SMC6: variants seen among roughly 807,000 people sequenced by gnomAD.
SMC6 encodes structural maintenance of chromosomes 6.
SMC6 carries 79 observed loss-of-function variants against 142.2 expected under a neutral mutation model. That is an observed-to-expected ratio of 0.56 (90% CI 0.46 to 0.67). SMC6 has a LOEUF of 0.67. SMC6 is among the 30% of genes least tolerant of loss of function. SMC6 has a pLI of 0.00. For missense variants in SMC6, 1,072 were observed against 1,284.0 expected, an observed-to-expected ratio of 0.83 and a Z score of 2.52; for synonymous variants, 411 against 412.4, an observed-to-expected ratio of 1.00 and a Z score of 0.04.
In SMC6 at chr2:17,683,726, C is replaced by T; in HGVS notation, c.2716G>A (p.Asp906Asn). 1.2e-6 allele frequency: 2 copies of T among 1,611,576 alleles called. No homozygotes were observed. Among genetic ancestry groups the T allele is most frequent in the Non-Finnish European group, 1.7e-6 (2 of 1,178,076 alleles). Residue 906 changes from aspartate (D) to asparagine (N), a missense_variant, in exon 24 of 28, where the codon GAT becomes AAT. By Grantham distance (23) the Asp-to-Asn change is conservative. Coordinates refer to ENST00000448223, the MANE Select transcript of SMC6 (RefSeq NM_001142286.2). ...QEARETYLDL[D>N]SKVRTLKKFI... ...TTTTTTAAAGTCCTCACTTTACTAT[C>T]CAGATCAAGATAGGTCTCTCTTGCT...
At chr2:17,687,879 CAGAGT>C (rs1286239732) in intron 23 of SMC6, among the ~76,000 whole-genome samples, 1 of 152,050 alleles carries the variant, frequency 6.6e-6, no homozygotes, top group Non-Finnish European at 1.5e-5. Context: ...AACTTTAGAA[CAGAGT>C]AAATTTACTA....
At position 17,720,516 on chromosome 2, in the gene SMC6, T is replaced by C. The variant is rs916428834; in HGVS notation, c.945+424A>G. Among the ~76,000 whole-genome samples the C allele has an allele frequency of 2.0e-5, 3 of 152,240 alleles. No individual in the cohort carries two copies. In the South Asian group the frequency reaches 6.2e-4, roughly 32 times the overall value. On this transcript the variant is annotated intron_variant, in intron 11 of 27. Transcript: ENST00000448223. ...CAGTTCCCTTAGCAATCTCTGGGCA[T>C]TGTTTTCAGTTCTGAGTTCTCATAC... is the stretch of plus-strand genomic sequence containing the variant.
chr2:17,692,519 C>T (rs2124900761), intron 23 of SMC6, among the ~76,000 whole-genome samples: 1 of 152,300 alleles, frequency 6.6e-6, no homozygotes, highest in Middle Eastern at 3.4e-3. Context: ...AAAGCTGAAA[C>T]TGGATCCCTT....
At chr2:17,714,727 GA>G in intron 16 of SMC6, 133 bp downstream of exon 16, 1 of 893,120 alleles carries the variant, frequency 1.1e-6, no homozygotes, top group Non-Finnish European at 1.7e-6. Context: ...TACCTAGACA[GA>G]AATTAAAGTG....
intron 25 of SMC6, among the ~76,000 whole-genome samples, chr2:17,676,544 T>C (rs757472663): frequency 2.0e-5 from 3 of 152,166 alleles, no homozygotes; most frequent in Non-Finnish European, 4.4e-5. Context: ...TGCATTTCTA[T>C]ATGAATTTTA....
intron 23 of SMC6, among the ~76,000 whole-genome samples, chr2:17,689,448 T>C (rs1308033284): frequency 6.6e-6 from 1 of 152,198 alleles, no homozygotes; most frequent in Non-Finnish European, 1.5e-5. Flanking sequence ...AAGATAATAC[T>C]CTTATTCTTA....
intron 11 of SMC6, among the ~76,000 whole-genome samples, chr2:17,719,671 T>G (rs992054749): frequency 6.6e-6 from 1 of 152,140 alleles, no homozygotes; most frequent in Admixed American, 6.5e-5. Flanking sequence ...GAAAAATACT[T>G]GGTGAAAATT....
At chr2:17,718,273 ATTTT>A in intron 11 of SMC6, 50 bp from the exon 12 acceptor site, 1 of 1,328,716 alleles carries the variant, frequency 7.5e-7, no homozygotes, top group Admixed American at 2.5e-5. Context: ...AATAGAGAGA[ATTTT>A]AAAAAATAAT....
intron 6 of SMC6, among the ~76,000 whole-genome samples, chr2:17,731,492 T>C (rs1669911717): frequency 6.6e-6 from 1 of 152,200 alleles, no homozygotes; most frequent in Non-Finnish European, 1.5e-5. Context: ...AGTCTGTAGG[T>C]GAAAACAAAA....
Position 17,663,894 on chromosome 2 carries a change from T to C in SMC6, c.*1605A>G, listed in dbSNP as rs1397691468. ...TCTTTTTATTCTTTCATTCTAGTAA[T>C]ATTATCACTACTTAGAACATTAAAG... On this transcript the variant is annotated 3_prime_UTR_variant, in exon 28 of 28. Transcript: ENST00000448223. 1 of 152,218 alleles carries C rather than the reference T, an allele frequency of 6.6e-6. No homozygotes were observed. Among genetic ancestry groups the C allele is most frequent in the African/African-American group, 2.4e-5 (1 of 41,460 alleles). 9.4% of individuals were successfully genotyped at this position (152,218 alleles called of 1,614,324 possible).
At chr2:17,697,891 C>CGCA (rs1190379720) in intron 21 of SMC6, among the ~76,000 whole-genome samples, 2 of 151,958 alleles carry the variant, frequency 1.3e-5, no homozygotes, top group Non-Finnish European at 2.9e-5. Context: ...CATGAATGTT[C>CGCA]GCAGCAGCAG....
At chr2:17,725,924 C>A (rs1335557019) in intron 8 of SMC6, among the ~76,000 whole-genome samples, 1 of 151,538 alleles carries the variant, frequency 6.6e-6, no homozygotes, top group Non-Finnish European at 1.5e-5. Flanking sequence ...CCCATCTCTA[C>A]TAAAAATACA....
In SMC6 at chr2:17,703,206, T is replaced by G; in HGVS notation, c.2093A>C (p.His698Pro). The change falls in exon 19 of 28, where the codon CAC becomes CCC. Residue 698 changes from histidine to proline, a missense_variant. Around this residue, in one of 3 missense-constraint regions of SMC6, gnomAD observed 994 missense variants for 1,153.2 expected, o/e 0.86. Coordinates refer to ENST00000448223, the MANE Select transcript of SMC6 (RefSeq NM_001142286.2). Reference sequence around the variant, plus strand: ...GCACCTTTTAAGAAGTTCCTCATTGTGTTTAATATCTTTTTCAAGGGCAGA... The same window carrying G: ...GCACCTTTTAAGAAGTTCCTCATTGGGTTTAATATCTTTTTCAAGGGCAGA... ...HLSALEKDIK[H>P]NEELLKRCQL... 1 of 1,571,964 alleles carries G rather than the reference T, an allele frequency of 6.4e-7. No homozygotes were observed. Among genetic ancestry groups the G allele is most frequent in the South Asian group, 1.1e-5 (1 of 88,586 alleles).
At chr2:17,748,497 T>C (rs1229277302) in intron 2 of SMC6, among the ~76,000 whole-genome samples, 1 of 152,270 alleles carries the variant, frequency 6.6e-6, no homozygotes, top group Admixed American at 6.5e-5. Context: ...TACAGCTACA[T>C]AATATTCAGC....
intron 19 of SMC6, among the ~76,000 whole-genome samples, 154 bp downstream of exon 19, chr2:17,703,003 T>C (rs1007801942): frequency 1.3e-5 from 2 of 152,212 alleles, no homozygotes; most frequent in Non-Finnish European, 2.9e-5. Context: ...TTGACAGATA[T>C]ACCCACATAA....
At chr2:17,734,835 G>T (rs1396631272) in intron 5 of SMC6, among the ~76,000 whole-genome samples, 2 of 152,044 alleles carry the variant, frequency 1.3e-5, no homozygotes, top group Non-Finnish European at 2.9e-5. Flanking sequence ...AGGTTCAAAT[G>T]ATTCTCCTGC....
chr2:17,739,284 G>C (rs1336524788), intron 4 of SMC6, among the ~76,000 whole-genome samples: 1 of 152,086 alleles, frequency 6.6e-6, no homozygotes, highest in Non-Finnish European at 1.5e-5. Context: ...TGAGATGGGA[G>C]GCTCATCTGA....
intron 11 of SMC6, 78 bp from the exon 12 acceptor site, chr2:17,718,301 T>C (rs1669203568): frequency 2.1e-6 from 2 of 939,736 alleles, no homozygotes; most frequent in East Asian, 2.9e-5. Context: ...CTATAGTTCA[T>C]ATACCAATAA....
At chr2:17,740,038 C>A (rs1322295037) in intron 4 of SMC6, among the ~76,000 whole-genome samples, 1 of 152,114 alleles carries the variant, frequency 6.6e-6, no homozygotes, top group Non-Finnish European at 1.5e-5. Flanking sequence ...CACTGATTAA[C>A]CCAATTTATT....
Sources: allele counts gnomAD v4.1 joint callset (sites outside exome capture counted in the v4.1 genomes callset), GRCh38; gene constraint gnomAD v4.1.1; regional missense constraint gnomAD v4.1.1; transcripts MANE v1.5; gene names NCBI Gene and HGNC (gene_info 2026-07-23, HGNC 2026-07-21).